CHD2: variants seen among roughly 807,000 people sequenced by gnomAD.
CHD2 encodes ATP-dependent chromatin remodeler CHD2.
In CHD2, 28 loss-of-function variants were observed where a neutral mutation model predicts 243.9. The ratio of observed to expected loss-of-function variants is 0.11; its 90% CI spans 0.09 to 0.16. The LOEUF (loss-of-function observed/expected upper bound fraction) is 0.16. Among genes scored for constraint, CHD2 ranks in the 10% least tolerant of loss-of-function variants. The pLI is 1.00. For synonymous variants in CHD2, 775 were observed against 779.0 expected (o/e 0.99, Z 0.09); for missense variants, 1,386 against 2,209.8 (o/e 0.63, Z 7.47).
rs1567117229 is a variant in CHD2 at position 92,905,076 on chromosome 15, T to G, written c.62+3777T>G. On this transcript the variant is annotated intron_variant, in intron 2 of 38. Transcript: ENST00000394196. ...GATAGTTTAGTAGAAAATAGAAAAT[T>G]TCACGTTCAATAACATTAAAAAGTG... The G allele has an allele frequency of 2.9e-6, 4 of 1,361,652 alleles. No homozygotes were observed. In the South Asian group the frequency reaches 5.3e-5, roughly 18 times the overall value. 84.3% of individuals were successfully genotyped at this position (1,361,652 alleles called of 1,614,324 possible).
chr15:92,986,350 A>C (rs147553380), intron 26 of CHD2, among the ~76,000 whole-genome samples: 1 of 152,148 alleles, frequency 6.6e-6, no homozygotes, highest in African/African-American at 2.4e-5. Context: ...AGATGGTTTT[A>C]AGGCCTAATC....
chr15:92,981,542 C>T (rs899281541), intron 24 of CHD2, 85 bp downstream of exon 24: 13 of 1,039,016 alleles, frequency 1.3e-5, no homozygotes, highest in Admixed American at 2.2e-5. Flanking sequence ...TTGTGCTAGG[C>T]GCTCTGCTTT....
chr15:92,920,531 C>T (rs943474558), intron 2 of CHD2, among the ~76,000 whole-genome samples: 9 of 152,238 alleles, frequency 5.9e-5, no homozygotes, highest in African/African-American at 2.2e-4. Flanking sequence ...CTTTTCAACA[C>T]AGAACACTAT....
chr15:92,938,776 C>T (rs980333847), intron 6 of CHD2, among the ~76,000 whole-genome samples: 1 of 152,192 alleles, frequency 6.6e-6, no homozygotes, highest in Non-Finnish European at 1.5e-5. Flanking sequence ...CTTTTTATCA[C>T]TGATGGAATA....
In CHD2 at chr15:92,955,459, A is replaced by G. The variant is rs1596406455; in HGVS notation, c.1756A>G (p.Arg586Gly). ...EYEWIHSQTK[R>G]LKFNALITTY... is the part of the protein sequence containing the mutation. The stretch of plus-strand genomic sequence containing the variant: ...TGAATGGATTCATTCCCAAACCAAA[A>G]GATTGAAGTTCAACGCACTTATAAC... Residue 586 changes from arginine (R) to glycine (G), a missense_variant, in exon 15 of 39, where the codon AGA (arginine) becomes GGA (glycine). This residue lies in a region of CHD2 where 63 missense variants were observed against 108.8 expected (regional missense o/e 0.58). Transcript: ENST00000394196. 6.3e-7 allele frequency: 1 copy of G among 1,598,694 alleles called. No homozygotes were observed. Among genetic ancestry groups the G allele is most frequent in the Admixed American group, 1.8e-5 (1 of 56,548 alleles).
chr15:92,973,615 G>A (rs942300076), intron 19 of CHD2, among the ~76,000 whole-genome samples: 1 of 152,128 alleles, frequency 6.6e-6, no homozygotes, highest in Non-Finnish European at 1.5e-5. Flanking sequence ...TTCAGTTGCT[G>A]TCTTAGAATA....
In CHD2 at chr15:92,929,011, C is replaced by T. The variant is rs1452133808; in HGVS notation, c.382-19C>T. 1.3e-5 allele frequency: 21 copies of T among 1,606,634 alleles called. No individual in the cohort carries two copies. Among genetic ancestry groups the T allele is most frequent in the Admixed American group, 1.7e-5 (1 of 59,350 alleles). On this transcript the variant is annotated intron_variant, in intron 4 of 38. Coordinates refer to ENST00000394196, the MANE Select transcript of CHD2 (RefSeq NM_001271.4). ...TGAATTAAAGTCTGTAATCATTTTT[C>T]CCCCCTCACACACTGAAGGCAAGTA...
intron 19 of CHD2, 158 bp from the exon 20 acceptor site, chr15:92,974,721 T>C: frequency 1.7e-6 from 1 of 598,894 alleles, no homozygotes; most frequent in East Asian, 3.0e-5. Context: ...GGGTAGGGTG[T>C]GCTTCTTAAG....
rs1202728291 is a variant in CHD2, at chr15:92,955,475, C to T, written c.1772C>T (p.Ala591Val). ...HSQTKRLKFN[A>V]LITTYEILLK... The stretch of plus-strand genomic sequence containing the variant: ...CAAACCAAAAGATTGAAGTTCAACG[C>T]ACTTATAACAACATATGAGATCCTC... Residue 591 changes from alanine to valine, a missense_variant, in exon 15 of 39, where the codon GCA becomes GTA. Physicochemically the swap from Ala to Val is moderately conservative, Grantham distance 64 (BLOSUM62 0). Around this residue, in one of 19 missense-constraint regions of CHD2, gnomAD observed 63 missense variants for 108.8 expected, o/e 0.58. Transcript: ENST00000394196. 26 of 1,596,984 alleles carry T rather than the reference C, an allele frequency of 1.6e-5. No individual in the cohort carries two copies. Among genetic ancestry groups the T allele is most frequent in the Non-Finnish European group, 2.1e-5 (25 of 1,173,838 alleles).
At position 93,020,080 on chromosome 15, in the gene CHD2, A is replaced by T. The variant is rs2141895195; in HGVS notation, c.4975A>T (p.Ser1659Cys). ...GGGNNNPPWG[S>C]DRHHQYEQHW... is the part of the protein sequence containing the mutation. ...TGGCAACAACAATCCACCATGGGGA[A>T]GCGACAGGCACCATCAGTATGAGCA... Residue 1659 changes from serine to cysteine, a missense_variant, in exon 38 of 39, where the codon AGC (serine) becomes TGC (cysteine). Coordinates refer to ENST00000394196, the MANE Select transcript of CHD2 (RefSeq NM_001271.4). The T allele has an allele frequency of 1.2e-6, 2 of 1,614,186 alleles. No homozygotes were observed. The highest frequency in any genetic ancestry group is 1.7e-6 in the Non-Finnish European group (2 of 1,180,034).
At chr15:92,942,295 A>G (rs2053394386) in intron 8 of CHD2, among the ~76,000 whole-genome samples, 1 of 152,230 alleles carries the variant, frequency 6.6e-6, no homozygotes, top group Non-Finnish European at 1.5e-5. Flanking sequence ...TATTGTGGTA[A>G]TATTGAAGAT....
chr15:92,948,368 C>T (rs2053503911), intron 12 of CHD2, among the ~76,000 whole-genome samples: 1 of 151,926 alleles, frequency 6.6e-6, no homozygotes, highest in African/African-American at 2.4e-5. Flanking sequence ...ACTCTGACTG[C>T]CATATAATAG....
At chr15:92,941,007 A>AT (rs2053372730) in intron 7 of CHD2, among the ~76,000 whole-genome samples, 4 of 90,626 alleles carry the variant, frequency 4.4e-5, no homozygotes, top group African/African-American at 1.4e-4. Flanking sequence ...ATATATATAT[A>AT]ATTTTTTTTT....
At chr15:92,970,233 C>T (rs2053822980) in intron 17 of CHD2, among the ~76,000 whole-genome samples, 1 of 151,746 alleles carries the variant, frequency 6.6e-6, no homozygotes. Context: ...TGGAGTTTCG[C>T]TCTTGTTGCC....
At chr15:92,985,939 C>T (rs1187993203) in intron 26 of CHD2, among the ~76,000 whole-genome samples, 3 of 151,982 alleles carry the variant, frequency 2.0e-5, no homozygotes, top group South Asian at 2.1e-4. Flanking sequence ...AAGTTCAGCT[C>T]GGGGAAGGAG....
At chr15:93,023,241 C>T (rs2054554014) in intron 38 of CHD2, among the ~76,000 whole-genome samples, 1 of 152,224 alleles carries the variant, frequency 6.6e-6, no homozygotes, top group Non-Finnish European at 1.5e-5. Context: ...TCTGGATTTG[C>T]CTGTTCTAGA....
In CHD2 at chr15:93,025,360, C is replaced by G. The variant is rs2054578586; in HGVS notation, c.*655C>G. On this transcript the variant is annotated 3_prime_UTR_variant, in exon 39 of 39. Transcript: ENST00000394196. Reference sequence around the variant, plus strand: ...GAGAGGGCAACAGCTTCCACAACTGCTTCATCTCTGCCAACACTAATTTTT... The same window carrying G: ...GAGAGGGCAACAGCTTCCACAACTGGTTCATCTCTGCCAACACTAATTTTT... 6.5e-6 allele frequency: 1 copy of G among 152,756 alleles called. No homozygotes were observed. The highest frequency in any genetic ancestry group is 6.5e-5 in the Admixed American group (1 of 15,284). 9.5% of individuals were successfully genotyped at this position (152,756 alleles called of 1,614,324 possible).
intron 20 of CHD2, among the ~76,000 whole-genome samples, chr15:92,976,913 A>T (rs969360384): frequency 3.6e-4 from 54 of 149,296 alleles, no homozygotes; most frequent in Admixed American, 2.0e-4. Flanking sequence ...AAAAAAAAAA[A>T]TTTTTTTTTT....
chr15:92,918,846 T>C (rs1596374977), intron 2 of CHD2, among the ~76,000 whole-genome samples: 3 of 151,488 alleles, frequency 2.0e-5, no homozygotes, highest in Middle Eastern at 3.5e-3. Flanking sequence ...TACACACATA[T>C]ATATACATAC....
Sources: allele counts gnomAD v4.1 joint callset (sites outside exome capture counted in the v4.1 genomes callset), GRCh38; gene constraint gnomAD v4.1.1; regional missense constraint gnomAD v4.1.1; transcripts MANE v1.5; gene names NCBI Gene and HGNC (gene_info 2026-07-23, HGNC 2026-07-21).